Variants in FBN2 observed in about 807,000 individuals in gnomAD.
The protein encoded by FBN2 is fibrillin 2, also known as fibrillin-2.
FBN2 carries 105 observed loss-of-function variants against 355.6 expected under a neutral mutation model. The observed-to-expected ratio is 0.30, with a 90% CI of 0.25 to 0.35. FBN2 has a LOEUF of 0.35. FBN2 is among the 10% of genes least tolerant of loss of function. The pLI is 1.00. For missense variants in FBN2, 3,280 were observed against 3,758.7 expected (o/e 0.87, Z 3.33); for synonymous variants, 1,350 against 1,301.2 (o/e 1.04, Z -0.81).
At chr5:128,448,748 C>T (rs1470610988) in intron 6 of FBN2, among the ~76,000 whole-genome samples, 1 of 152,076 alleles carries the variant, frequency 6.6e-6, no homozygotes, top group East Asian at 1.9e-4. Flanking sequence ...TCTCTAATTA[C>T]TAGCTCCTAC....
chr5:128,480,818 T>TCAAAA (rs1442175664), intron 5 of FBN2, among the ~76,000 whole-genome samples: 4 of 152,228 alleles, frequency 2.6e-5, no homozygotes, highest in Non-Finnish European at 5.9e-5. Context: ...TCTCTGGTTT[T>TCAAAA]CCAAAACACT....
chr5:128,402,761 G>C (rs115983695), intron 8 of FBN2, among the ~76,000 whole-genome samples: 2 of 152,294 alleles, frequency 1.3e-5, no homozygotes, highest in African/African-American at 4.8e-5. Context: ...TGTCTCCTGA[G>C]ACTGGATGCC....
At chr5:128,286,250 A>G (rs912144626) in intron 55 of FBN2, among the ~76,000 whole-genome samples, 66 of 152,322 alleles carry the variant, frequency 4.3e-4, no homozygotes, top group African/African-American at 1.5e-3. Context: ...TTGTATATAT[A>G]ATTTTTTATA....
At chr5:128,452,646 T>A (rs1754284501) in intron 6 of FBN2, among the ~76,000 whole-genome samples, 1 of 152,210 alleles carries the variant, frequency 6.6e-6, no homozygotes, top group Non-Finnish European at 1.5e-5. Context: ...ACTACTATAT[T>A]TCATAGCGTG....
Position 128,304,988 on chromosome 5 carries a change from A to T in FBN2, c.5769T>A (p.Phe1923Leu). 1 of 1,614,040 alleles carries T rather than the reference A, an allele frequency of 6.2e-7. No individual in the cohort carries two copies. The highest frequency in any genetic ancestry group is 8.5e-7 in the Non-Finnish European group (1 of 1,179,978). ...GSYQCICHNG[F>L]KASQDQTMCM... ...ACATGGTCTGGTCCTGAGAAGCCTT[A>T]AAGCCATTGTGGCAGATGCACTGGT... The change falls in exon 45 of 65, where the codon TTT becomes TTA. Residue 1923 changes from phenylalanine (F) to leucine (L), a missense_variant. By Grantham distance (22) the Phe-to-Leu change is conservative (BLOSUM62 0). Transcript: ENST00000262464.
At chr5:128,488,645 TCCCCCTTCC>T (rs1755411216) in intron 5 of FBN2, among the ~76,000 whole-genome samples, 2 of 147,826 alleles carry the variant, frequency 1.4e-5, no homozygotes, top group African/African-American at 2.5e-5. Context: ...ATGCTATCCC[TCCCCCTTCC>T]CCCCACCCCA....
chr5:128,318,380 CT>C, intron 35 of FBN2, 109 bp from the exon 36 acceptor site: 1 of 1,055,832 alleles, frequency 9.5e-7, no homozygotes, highest in African/African-American at 1.6e-5. Flanking sequence ...TTAAAGATCA[CT>C]AGGAAAGACT....
chr5:128,293,460 C>T (rs1022011805), intron 48 of FBN2, among the ~76,000 whole-genome samples: 1 of 151,830 alleles, frequency 6.6e-6, no homozygotes, highest in East Asian at 1.9e-4. Context: ...CCACTGCACT[C>T]CAGCCTGAGT....
intron 5 of FBN2, among the ~76,000 whole-genome samples, chr5:128,478,968 T>G (rs866048940): frequency 3.3e-5 from 5 of 152,214 alleles, no homozygotes; most frequent in African/African-American, 1.2e-4. Context: ...TGGCAAACAC[T>G]TATCTAACTT....
chr5:128,413,195 T>C (rs1753114547), intron 7 of FBN2, among the ~76,000 whole-genome samples: 1 of 152,192 alleles, frequency 6.6e-6, no homozygotes, highest in African/African-American at 2.4e-5. Context: ...TTGTGGTTTA[T>C]CACCAAGTAT....
intron 6 of FBN2, among the ~76,000 whole-genome samples, chr5:128,456,015 A>AAAAAAAAAAAAAAAAAC: frequency 6.8e-6 from 1 of 147,448 alleles, no homozygotes; most frequent in African/African-American, 2.5e-5. Flanking sequence ...AAAAAAAAAA[A>AAAAAAAAAAAAAAAAAC]AAAAAAAAGC....
chr5:128,466,573 G>T (rs749133564), intron 5 of FBN2, among the ~76,000 whole-genome samples: 14 of 152,116 alleles, frequency 9.2e-5, no homozygotes, highest in Non-Finnish European at 1.6e-4. Context: ...ATAAAACTTC[G>T]ATTTGCTTTA....
chr5:128,529,661 A>T (rs1756653978), intron 3 of FBN2, among the ~76,000 whole-genome samples: 1 of 152,200 alleles, frequency 6.6e-6, no homozygotes, highest in African/African-American at 2.4e-5. Flanking sequence ...AATATGAGAA[A>T]ACTAGGAACA....
At chr5:128,453,969 T>C (rs1416997449) in intron 6 of FBN2, among the ~76,000 whole-genome samples, 1 of 151,710 alleles carries the variant, frequency 6.6e-6, no homozygotes, top group Non-Finnish European at 1.5e-5. Flanking sequence ...AGACTGGGAG[T>C]AGAATACTCA....
At chr5:128,294,684 T>C (rs865871363) in intron 48 of FBN2, among the ~76,000 whole-genome samples, 56 of 149,324 alleles carry the variant, frequency 3.8e-4, no homozygotes, top group Non-Finnish European at 6.3e-4. Context: ...TTGATGGGGT[T>C]GTTTGTTTTT....
intron 55 of FBN2, among the ~76,000 whole-genome samples, chr5:128,282,988 C>T (rs1749023042): frequency 6.6e-6 from 1 of 152,194 alleles, no homozygotes. Context: ...TCTTCACACT[C>T]TCACTTTCTA....
chr5:128,344,962 A>C lies in FBN2; in HGVS notation c.3217+395T>G, dbSNP rs367964963. ...GTGATCCACCCACCTCAGCCTCCCA[A>C]AGTGCTAGGATTATAGGCGTGAGCC... On this transcript the variant is annotated intron_variant, in intron 24 of 64. Coordinates refer to ENST00000262464, the MANE Select transcript of FBN2 (RefSeq NM_001999.4). 9.9e-5 allele frequency among the ~76,000 whole-genome samples: 15 copies of C among 152,246 alleles called. No individual in the cohort carries two copies. The East Asian group carries it at 1.4e-3, about 14-fold the overall frequency.
At chr5:128,481,168 T>C (rs563751626) in intron 5 of FBN2, among the ~76,000 whole-genome samples, 43 of 131,442 alleles carry the variant, frequency 3.3e-4, no homozygotes, top group Non-Finnish European at 5.8e-4. Context: ...ACCCACATAA[T>C]TTTTACTCAG....
chr5:128,434,592 C>G (rs1199768450), intron 7 of FBN2, among the ~76,000 whole-genome samples: 1 of 151,000 alleles, frequency 6.6e-6, no homozygotes, highest in African/African-American at 2.4e-5. Context: ...GGTTCCCTCT[C>G]TCTCTCTCTC....
Sources: allele counts gnomAD v4.1 joint callset (sites outside exome capture counted in the v4.1 genomes callset), GRCh38; gene constraint gnomAD v4.1.1; transcripts MANE v1.5; gene names NCBI Gene and HGNC (gene_info 2026-07-23, HGNC 2026-07-21).